XKR9: variants seen among roughly 807,000 people sequenced by gnomAD.
The protein encoded by XKR9 is XK-related protein 9.
A neutral mutation model predicts 32.0 loss-of-function variants in XKR9; 32 were observed. That is an observed-to-expected ratio of 1.00 (90% CI 0.76 to 1.34). XKR9 has a LOEUF of 1.34. XKR9 is among the 40% of genes most tolerant of loss of function. The pLI is 0.00. For synonymous variants in XKR9, 168 were observed against 143.4 expected (o/e 1.17, Z -1.22); for missense variants, 546 against 429.7 (o/e 1.27, Z -2.39).
intron 4 of XKR9, among the ~76,000 whole-genome samples, chr8:70,726,706 CAA>C (rs1563452030): frequency 1.3e-5 from 2 of 152,144 alleles, no homozygotes; most frequent in Non-Finnish European, 1.5e-5. Context: ...GCAAAGGTAC[CAA>C]AGAGTTTTTT....
chr8:70,792,585 T>A (rs1212475981), downstream of XKR9, among the ~76,000 whole-genome samples: 1 of 152,044 alleles, frequency 6.6e-6, no homozygotes, highest in African/African-American at 2.4e-5. Context: ...AACACTGACA[T>A]AAGAAGCAGT....
intron 3 of XKR9, among the ~76,000 whole-genome samples, chr8:70,701,005 A>G (rs1196942403): frequency 6.6e-6 from 1 of 152,160 alleles, no homozygotes; most frequent in Non-Finnish European, 1.5e-5. Flanking sequence ...GTGGGATATA[A>G]TCTGCTGGTG....
chr8:71,053,513 C>T, the XKR9 span, among the ~76,000 whole-genome samples: 6 of 152,282 alleles, frequency 3.9e-5, no homozygotes, highest in South Asian at 2.1e-4. Context: ...ATATAAATGC[C>T]GCAGTTCAGA....
chr8:70,735,328 C>G lies in XKR9; in HGVS notation c.*904C>G, dbSNP rs1219080606. 1 of 151,708 alleles carries G rather than the reference C, an allele frequency of 6.6e-6. No homozygotes were observed. The highest frequency in any genetic ancestry group is 1.5e-5 in the Non-Finnish European group (1 of 67,958). The allele number at this position is 151,708 out of a possible 1,614,324, so 9.4% of individuals were successfully genotyped here. ...CTATGAGTTTGAATACTTTAGATACCTTGTTGCCATGGTTTGAATGTGCCC... is the reference window on the plus strand; with the variant it reads ...CTATGAGTTTGAATACTTTAGATACGTTGTTGCCATGGTTTGAATGTGCCC... On this transcript the variant is annotated 3_prime_UTR_variant, in exon 5 of 5. Coordinates refer to ENST00000408926, the MANE Select transcript of XKR9 (RefSeq NM_001011720.2).
chr8:70,754,989 G>A (rs868214874), intron 2 of XKR9, among the ~76,000 whole-genome samples: 55 of 151,808 alleles, frequency 3.6e-4, no homozygotes, highest in African/African-American at 1.3e-3. Flanking sequence ...CTACAAAATG[G>A]GAGAAAATTT....
the XKR9 span, among the ~76,000 whole-genome samples, chr8:70,842,938 G>A: frequency 6.6e-6 from 1 of 152,048 alleles, no homozygotes; most frequent in South Asian, 2.1e-4. Context: ...AAGAAGGAGA[G>A]AAGGAAGGAA....
chr8:70,929,113 G>A, the XKR9 span, among the ~76,000 whole-genome samples: 1 of 152,110 alleles, frequency 6.6e-6, no homozygotes. Flanking sequence ...CTCAACCAGA[G>A]GAATAGTCAT....
intron 2 of XKR9, among the ~76,000 whole-genome samples, chr8:70,760,513 A>G (rs1054848911): frequency 3.9e-5 from 6 of 152,126 alleles, no homozygotes; most frequent in African/African-American, 1.4e-4. Flanking sequence ...AAAACGTACT[A>G]TTTTAACAAT....
intron 2 of XKR9, among the ~76,000 whole-genome samples, chr8:70,770,758 C>T (rs199582958): frequency 1.3e-5 from 2 of 152,160 alleles, no homozygotes; most frequent in African/African-American, 4.8e-5. Flanking sequence ...GTGGACACCC[C>T]TCCCCCCACC....
chr8:70,857,329 G>A, the XKR9 span, among the ~76,000 whole-genome samples: 1 of 152,164 alleles, frequency 6.6e-6, no homozygotes, highest in Non-Finnish European at 1.5e-5. Context: ...ACTACCATCA[G>A]AGAATACTAT....
chr8:70,735,144 C>CT lies in XKR9; in HGVS notation c.*723dup, dbSNP rs1440524128. The CT allele has an allele frequency of 6.6e-6, 1 of 151,946 alleles. No individual in the cohort carries two copies. The highest frequency in any genetic ancestry group is 6.6e-5 in the Admixed American group (1 of 15,226). The allele number at this position is 151,946 out of a possible 1,614,324, so 9.4% of individuals were successfully genotyped here. On this transcript the variant is annotated 3_prime_UTR_variant, in exon 5 of 5. Coordinates refer to ENST00000408926, the MANE Select transcript of XKR9 (RefSeq NM_001011720.2). Reference sequence around the variant, plus strand: ...CATATAAAATTTACCATCTTAATCACTTTGAGTGTACAGTTCATCAGTGTT... The same window carrying CT: ...CATATAAAATTTACCATCTTAATCACTTTTGAGTGTACAGTTCATCAGTGTT...
chr8:70,898,735 T>C, the XKR9 span, among the ~76,000 whole-genome samples: 4 of 149,414 alleles, frequency 2.7e-5, no homozygotes, highest in Admixed American at 2.0e-4. Flanking sequence ...TATATTATTT[T>C]TCTTTATCTG....
chr8:70,729,203 TAAC>T (rs1806578856), intron 4 of XKR9, among the ~76,000 whole-genome samples: 1 of 152,214 alleles, frequency 6.6e-6, no homozygotes, highest in Admixed American at 6.5e-5. Context: ...CTTATGCAAA[TAAC>T]TATACTGCCG....
chr8:70,881,469 C>G, the XKR9 span, among the ~76,000 whole-genome samples: 1 of 152,114 alleles, frequency 6.6e-6, no homozygotes, highest in African/African-American at 2.4e-5. Context: ...TGAACAGACA[C>G]TTCTCAAAAT....
In XKR9 at chr8:70,707,169, C is replaced by A; in HGVS notation, c.493+16C>A. On this transcript the variant is annotated intron_variant, in intron 4 of 4. Coordinates refer to ENST00000408926, the MANE Select transcript of XKR9 (RefSeq NM_001011720.2). Reference sequence around the variant, plus strand: ...TTCAGTCAGTGTAAGTTTTTCTTAACTCCTTGTGTTAAATGGATGCCACTG... The same window carrying A: ...TTCAGTCAGTGTAAGTTTTTCTTAAATCCTTGTGTTAAATGGATGCCACTG... 6.2e-7 allele frequency: 1 copy of A among 1,604,760 alleles called. No individual in the cohort carries two copies. The highest frequency in any genetic ancestry group is 1.7e-5 in the Admixed American group (1 of 59,730).
chr8:70,709,309 T>C (rs1349571606), intron 4 of XKR9, among the ~76,000 whole-genome samples: 2 of 152,124 alleles, frequency 1.3e-5, no homozygotes, highest in South Asian at 4.1e-4. Flanking sequence ...CGTAAAATAA[T>C]GGAACCATCT....
At chr8:70,944,152 A>G in the XKR9 span, among the ~76,000 whole-genome samples, 1 of 152,148 alleles carries the variant, frequency 6.6e-6, no homozygotes, top group African/African-American at 2.4e-5. Context: ...CAAAAAAAAA[A>G]TAATTGTTTT....
chr8:70,725,138 TG>T (rs1418551137), intron 4 of XKR9, among the ~76,000 whole-genome samples: 1 of 152,122 alleles, frequency 6.6e-6, no homozygotes, highest in African/African-American at 2.4e-5. Context: ...GAGAATAGCA[TG>T]GGGGAAACTT....
At chr8:70,721,454 C>T (rs1806278904) in intron 4 of XKR9, among the ~76,000 whole-genome samples, 1 of 152,084 alleles carries the variant, frequency 6.6e-6, no homozygotes, top group Non-Finnish European at 1.5e-5. Context: ...TATCAATTTC[C>T]CTCCAAACAC....
Sources: gnomAD v4.1 joint callset for allele counts (sites outside exome capture counted in the v4.1 genomes callset) on GRCh38, gnomAD v4.1.1 for gene constraint, MANE v1.5 for transcripts, NCBI Gene and HGNC (gene_info 2026-07-23, HGNC 2026-07-21) for gene names.